FAM13C: variants seen among roughly 807,000 people sequenced by gnomAD.
The protein encoded by FAM13C is family with sequence similarity 13 member C, also known as protein FAM13C.
A neutral mutation model predicts 73.2 loss-of-function variants in FAM13C; 37 were observed. The observed-to-expected ratio is 0.51, with a 90% CI of 0.39 to 0.67. The LOEUF (loss-of-function observed/expected upper bound fraction) is 0.67, where lower values mean the gene tolerates loss of function less well. FAM13C is among the 30% of genes least tolerant of loss of function. The pLI, the probability that FAM13C is intolerant of heterozygous loss-of-function variation, is 0.00. For missense variants in FAM13C, 589 were observed against 715.6 expected (o/e 0.82, Z 2.02); for synonymous variants, 246 against 260.9 (o/e 0.94, Z 0.55).
intron 6 of FAM13C, among the ~76,000 whole-genome samples, chr10:59,275,909 G>A (rs1349024784): frequency 6.6e-6 from 1 of 152,200 alleles, no homozygotes; most frequent in Non-Finnish European, 1.5e-5. Context: ...CTATAAAGCA[G>A]TTGGAGAAGT....
chr10:59,311,955 C>G (rs1848977206), intron 4 of FAM13C, among the ~76,000 whole-genome samples: 1 of 152,158 alleles, frequency 6.6e-6, no homozygotes, highest in African/African-American at 2.4e-5. Flanking sequence ...AATCCACCTT[C>G]AAGAGGAACC....
intron 4 of FAM13C, among the ~76,000 whole-genome samples, chr10:59,303,874 G>T (rs1301538333): frequency 6.6e-6 from 1 of 152,122 alleles, no homozygotes; most frequent in Non-Finnish European, 1.5e-5. Context: ...GTTCGGCCAG[G>T]CGCGGTGGCT....
At chr10:59,354,071 A>T (rs1855403801) in intron 2 of FAM13C, among the ~76,000 whole-genome samples, 1 of 152,216 alleles carries the variant, frequency 6.6e-6, no homozygotes, top group African/African-American at 2.4e-5. Context: ...AGCTGCCTTT[A>T]CAGTTACCTA....
At chr10:59,338,138 T>A (rs1388947394) in intron 3 of FAM13C, among the ~76,000 whole-genome samples, 2 of 152,170 alleles carry the variant, frequency 1.3e-5, no homozygotes, top group Non-Finnish European at 2.9e-5. Context: ...TCAAATAACC[T>A]AATAGGTGGG....
At chr10:59,285,920 G>A (rs1338280209) in intron 5 of FAM13C, among the ~76,000 whole-genome samples, 1 of 151,984 alleles carries the variant, frequency 6.6e-6, no homozygotes, top group Non-Finnish European at 1.5e-5. Flanking sequence ...CAGTCTTCAG[G>A]ACTGTGAAAA....
chr10:59,283,573 G>T, intron 5 of FAM13C, 126 bp from the exon 6 acceptor site: 1 of 904,042 alleles, frequency 1.1e-6, no homozygotes, highest in East Asian at 2.4e-5. Context: ...CAGTGTGTCC[G>T]CAGCTCCCGC....
chr10:59,309,076 T>C (rs1415948756), intron 4 of FAM13C, among the ~76,000 whole-genome samples: 1 of 152,220 alleles, frequency 6.6e-6, no homozygotes, highest in African/African-American at 2.4e-5. Context: ...TGTTTCCTAT[T>C]TCAGTGAAAA....
chr10:59,300,923 G>A (rs988957525), intron 5 of FAM13C: 4 of 152,152 alleles, frequency 2.6e-5, no homozygotes, highest in African/African-American at 9.7e-5. Context: ...TATGACCTGT[G>A]CACTTTTCTG....
intron 3 of FAM13C, among the ~76,000 whole-genome samples, chr10:59,325,125 T>C (rs2134040848): frequency 6.6e-6 from 1 of 152,306 alleles, no homozygotes; most frequent in African/African-American, 2.4e-5. Flanking sequence ...GTGGCTACCA[T>C]CATACAGGCA....
At position 59,247,632 on chromosome 10, in the gene FAM13C, A is replaced by G; in HGVS notation, c.1740T>C (p.Asp580=). The G allele has an allele frequency of 6.2e-7, 1 of 1,613,502 alleles. No homozygotes were observed. Among genetic ancestry groups the G allele is most frequent in the Non-Finnish European group, 8.5e-7 (1 of 1,179,678 alleles). Residue 580 remains aspartate, a synonymous_variant, in exon 14 of 14, where the codon GAT becomes GAC. Transcript: ENST00000618804. ...RLLEVLISKQ[D]VAKTI ...CTGAACCTCAAATAGTTTTGGCCAC[A>G]TCTTGCTTGCTGATGAGGACCTCTA...
intron 3 of FAM13C, among the ~76,000 whole-genome samples, chr10:59,332,763 T>C (rs1852166897): frequency 6.6e-6 from 1 of 152,184 alleles, no homozygotes; most frequent in Non-Finnish European, 1.5e-5. Context: ...CACCTATGAA[T>C]ATGGCACCAC....
chr10:59,259,553 G>T (rs1842278163), intron 10 of FAM13C, among the ~76,000 whole-genome samples: 1 of 152,080 alleles, frequency 6.6e-6, no homozygotes. Context: ...CTACTACATG[G>T]TTTACTATAT....
intron 3 of FAM13C, among the ~76,000 whole-genome samples, chr10:59,333,588 C>A (rs1852304398): frequency 6.6e-6 from 1 of 152,142 alleles, no homozygotes; most frequent in Non-Finnish European, 1.5e-5. Flanking sequence ...TTTTTGGGGG[C>A]TGAGAAGGCA....
chr10:59,358,735 C>A (rs1856026873), intron 1 of FAM13C, among the ~76,000 whole-genome samples: 1 of 152,130 alleles, frequency 6.6e-6, no homozygotes. Context: ...CCTCAAAGTA[C>A]AATCAGTTAA....
intron 9 of FAM13C, chr10:59,263,864 G>C (rs894457686): frequency 3.7e-6 from 2 of 533,882 alleles, no homozygotes; most frequent in African/African-American, 3.8e-5. Flanking sequence ...TTCCACTTGG[G>C]AGTCTGGAGG....
chr10:59,336,898 C>T (rs981154926), intron 3 of FAM13C, among the ~76,000 whole-genome samples: 3 of 152,308 alleles, frequency 2.0e-5, no homozygotes, highest in Non-Finnish European at 4.4e-5. Context: ...TCCTGTCTAT[C>T]TTCCATCACC....
intron 1 of FAM13C, chr10:59,361,079 C>T: frequency 7.8e-7 from 1 of 1,289,262 alleles, no homozygotes. Context: ...CAGATGCACA[C>T]TTTGGCACAC....
rs1216110454 is a variant in FAM13C at position 59,362,490 on chromosome 10, C to T, written c.-30G>A. The T allele has an allele frequency of 6.2e-7, 1 of 1,609,426 alleles. No individual in the cohort carries two copies. Among genetic ancestry groups the T allele is most frequent in the East Asian group, 2.2e-5 (1 of 44,798 alleles). ...CAAGTCTGGCCGGGGAGCCGTCTCCCTGATTGCTCTCCGGGAGTTAGAGCA... is the reference window on the plus strand; with the variant it reads ...CAAGTCTGGCCGGGGAGCCGTCTCCTTGATTGCTCTCCGGGAGTTAGAGCA... On this transcript the variant is annotated 5_prime_UTR_variant, in exon 1 of 14. Transcript: ENST00000618804.
chr10:59,256,542 T>G (rs766911087), intron 10 of FAM13C, among the ~76,000 whole-genome samples: 1 of 152,178 alleles, frequency 6.6e-6, no homozygotes, highest in Non-Finnish European at 1.5e-5. Context: ...CCTCTTAAGA[T>G]TATTATTAAA....
Sources: allele counts gnomAD v4.1 joint callset (sites outside exome capture counted in the v4.1 genomes callset), GRCh38; gene constraint gnomAD v4.1.1; transcripts MANE v1.5; gene names NCBI Gene and HGNC (gene_info 2026-07-23, HGNC 2026-07-21).